Variants in RNLS observed in about 807,000 individuals in gnomAD.
The protein encoded by RNLS is renalase, FAD dependent amine oxidase, also known as renalase.
Under a neutral mutation model 39.8 loss-of-function variants are expected in RNLS, and 39 were observed. That is an observed-to-expected ratio of 0.98 (90% CI 0.76 to 1.28). The LOEUF is 1.28. Ranked by LOEUF, RNLS falls within the 50% of genes most tolerant of loss-of-function variation. The pLI is 0.00. For missense variants in RNLS, 410 were observed against 413.3 expected (o/e 0.99, Z 0.07); for synonymous variants, 147 against 150.7 (o/e 0.98, Z 0.18).
intron 3 of RNLS, among the ~76,000 whole-genome samples, chr10:88,581,290 GTGTGTATATA>G (rs1728514608): frequency 3.0e-5 from 4 of 135,490 alleles, no homozygotes; most frequent in African/African-American, 1.2e-4. Flanking sequence ...ATGTGTGTGT[GTGTGTATATA>G]TATATATATA....
chr10:88,546,107 G>C (rs1736777521), intron 4 of RNLS, among the ~76,000 whole-genome samples: 1 of 151,990 alleles, frequency 6.6e-6, no homozygotes, highest in African/African-American at 2.4e-5. Context: ...GAGGAATATA[G>C]AATATTTTCA....
chr10:88,206,517 C>T, the RNLS span, among the ~76,000 whole-genome samples: 27 of 152,118 alleles, frequency 1.8e-4, no homozygotes, highest in African/African-American at 6.5e-4. Flanking sequence ...TCTGAGATAG[C>T]GCTGAAGAAT....
intron 4 of RNLS, among the ~76,000 whole-genome samples, chr10:88,474,144 G>T (rs1843685363): frequency 6.6e-6 from 1 of 151,970 alleles, no homozygotes; most frequent in South Asian, 2.1e-4. Context: ...TGGTAATTGT[G>T]GGAGCAAATC....
chr10:88,435,896 A>G (rs550985963), intron 4 of RNLS, among the ~76,000 whole-genome samples: 2 of 152,288 alleles, frequency 1.3e-5, no homozygotes, highest in Non-Finnish European at 1.5e-5. Flanking sequence ...CCTGGTTACT[A>G]ATGTTATAAC....
chr10:88,396,016 T>C (rs891310374), intron 4 of RNLS, among the ~76,000 whole-genome samples: 16 of 152,016 alleles, frequency 1.1e-4, no homozygotes, highest in African/African-American at 3.9e-4. Context: ...GAAGGAGAAA[T>C]CAAGACACTT....
chr10:88,254,937 AAC>A, the RNLS span, among the ~76,000 whole-genome samples: 2 of 152,226 alleles, frequency 1.3e-5, no homozygotes, highest in African/African-American at 4.8e-5. Context: ...ATAAATATAA[AAC>A]ACTCTCATTT....
chr10:88,187,416 G>A, the RNLS span, among the ~76,000 whole-genome samples: 1 of 151,858 alleles, frequency 6.6e-6, no homozygotes, highest in South Asian at 2.1e-4. Flanking sequence ...ACAGATTAGG[G>A]TCATATGGTG....
chr10:88,275,050 A>T (rs1317391205), intron 6 of RNLS: 1 of 1,601,270 alleles, frequency 6.2e-7, no homozygotes, highest in Non-Finnish European at 8.6e-7. Flanking sequence ...TCAAAGGAAT[A>T]TCCTTCAACC....
chr10:88,484,881 C>A (rs958113070), intron 4 of RNLS, among the ~76,000 whole-genome samples: 1 of 151,916 alleles, frequency 6.6e-6, no homozygotes, highest in Non-Finnish European at 1.5e-5. Context: ...AGGCATTTAT[C>A]TCCATGTATT....
intron 4 of RNLS, among the ~76,000 whole-genome samples, chr10:88,420,322 C>A (rs1188754145): frequency 1.3e-5 from 2 of 152,166 alleles, no homozygotes; most frequent in African/African-American, 4.8e-5. Flanking sequence ...CTGGCTGATG[C>A]TAACTGATTT....
intron 4 of RNLS, among the ~76,000 whole-genome samples, chr10:88,449,873 G>C (rs1448331434): frequency 1.3e-5 from 2 of 152,010 alleles, no homozygotes; most frequent in Non-Finnish European, 2.9e-5. Flanking sequence ...AAAGAATGTT[G>C]GAGCTCTCTG....
chr10:88,517,860 G>T (rs1589941056), intron 4 of RNLS, among the ~76,000 whole-genome samples: 1 of 151,804 alleles, frequency 6.6e-6, no homozygotes, highest in African/African-American at 2.4e-5. Context: ...ATTTGAAAAG[G>T]AACACTGAAT....
At chr10:88,512,086 T>TA (rs1238026447) in intron 4 of RNLS, among the ~76,000 whole-genome samples, 3 of 152,192 alleles carry the variant, frequency 2.0e-5, no homozygotes, top group Non-Finnish European at 2.9e-5. Flanking sequence ...CAGCATGCAT[T>TA]AAAATGCAAG....
chr10:88,478,107 A>G (rs1370846072), intron 4 of RNLS, among the ~76,000 whole-genome samples: 1 of 152,216 alleles, frequency 6.6e-6, no homozygotes, highest in Non-Finnish European at 1.5e-5. Context: ...GAAGTCAACT[A>G]TCAACAAGGA....
At chr10:88,178,069 A>G in the RNLS span, among the ~76,000 whole-genome samples, 1 of 152,156 alleles carries the variant, frequency 6.6e-6, no homozygotes, top group Non-Finnish European at 1.5e-5. Flanking sequence ...AAGGGCACAC[A>G]TTGGCTCCCT....
At chr10:88,317,558 TTGTG>T (rs1845853546) in intron 5 of RNLS, among the ~76,000 whole-genome samples, 1 of 152,214 alleles carries the variant, frequency 6.6e-6, no homozygotes, top group African/African-American at 2.4e-5. Context: ...TTTGATTTTT[TTGTG>T]TGTGTTTCGT....
At chr10:88,415,091 G>A (rs1853933371) in intron 4 of RNLS, among the ~76,000 whole-genome samples, 3 of 152,190 alleles carry the variant, frequency 2.0e-5, no homozygotes, top group Admixed American at 6.5e-5. Context: ...GGATGGTCTT[G>A]CTTTGAACAA....
chr10:88,286,757 T>C (rs1256491452), intron 6 of RNLS, among the ~76,000 whole-genome samples: 2 of 151,768 alleles, frequency 1.3e-5, no homozygotes, highest in African/African-American at 4.8e-5. Context: ...CTGAGATCTT[T>C]GTTCTAGATA....
At chr10:88,348,547 A>G (rs2092381813) in intron 5 of RNLS, among the ~76,000 whole-genome samples, 3 of 152,178 alleles carry the variant, frequency 2.0e-5, no homozygotes. Context: ...ACGTTTTAGT[A>G]TGGATGCTGT....
Sources: gnomAD v4.1 joint callset for allele counts (sites outside exome capture counted in the v4.1 genomes callset) on GRCh38, gnomAD v4.1.1 for gene constraint, MANE v1.5 for transcripts, NCBI Gene and HGNC (gene_info 2026-07-23, HGNC 2026-07-21) for gene names.